Variants in TENM4 observed in about 807,000 individuals in gnomAD.
The protein encoded by TENM4 is teneurin transmembrane protein 4, also known as teneurin-4.
A neutral mutation model predicts 243.3 loss-of-function variants in TENM4; 82 were observed. The ratio of observed to expected loss-of-function variants is 0.34; its 90% confidence interval spans 0.28 to 0.40. The LOEUF (loss-of-function observed/expected upper bound fraction) is 0.40, where lower values mean the gene tolerates loss of function less well. TENM4 is among the 10% of genes least tolerant of loss of function. The probability of loss-of-function intolerance (pLI) is 1.00; values close to 1 mark genes in which losing one functional copy is unlikely to be tolerated. For synonymous variants in TENM4, 1,412 were observed against 1,456.3 expected (o/e 0.97, Z 0.69); for missense variants, 3,138 against 3,673.3 (o/e 0.85, Z 3.77).
At chr11:78,910,060 C>T (rs1156471384) in intron 6 of TENM4, among the ~76,000 whole-genome samples, 1 of 152,184 alleles carries the variant, frequency 6.6e-6, no homozygotes, top group African/African-American at 2.4e-5. Context: ...TATAAGATCA[C>T]ATTCATGAGA....
chr11:78,891,795 C>G (rs565017649), intron 7 of TENM4, among the ~76,000 whole-genome samples: 8 of 152,330 alleles, frequency 5.3e-5, no homozygotes, highest in Non-Finnish European at 1.2e-4. Context: ...CCTGTGCTCT[C>G]TCTCTCTACT....
rs1565352845 is a variant in TENM4, at chr11:78,729,703, G to C, written c.3139-60C>G. On this transcript the variant is annotated intron_variant, in intron 21 of 33. Transcript: ENST00000278550. ...TCGTCGACTCACCGAGTGGAGGGAA[G>C]ATGGCGTGGCCCCATGGACTCTGGG... 13 of 1,540,094 alleles carry C rather than the reference G, an allele frequency of 8.4e-6. No homozygotes were observed. In the East Asian group the frequency reaches 2.9e-4, roughly 35 times the overall value.
At chr11:79,345,417 GATTACTA>G (rs1857310070) in intron 1 of TENM4, among the ~76,000 whole-genome samples, 1 of 152,056 alleles carries the variant, frequency 6.6e-6, no homozygotes, top group Non-Finnish European at 1.5e-5. Context: ...CATGTTATTT[GATTACTA>G]ATAACAAAAA....
At chr11:78,979,532 G>A (rs1389925094) in intron 6 of TENM4, among the ~76,000 whole-genome samples, 3 of 152,190 alleles carry the variant, frequency 2.0e-5, no homozygotes, top group Admixed American at 6.5e-5. Context: ...CATGTGTGCT[G>A]TGCATGCACA....
intron 2 of TENM4, among the ~76,000 whole-genome samples, chr11:79,263,087 C>A (rs375036939): frequency 7.9e-5 from 12 of 152,214 alleles, no homozygotes; most frequent in African/African-American, 2.9e-4. Flanking sequence ...ACCTCATTAA[C>A]TCCCGTGTCT....
intron 1 of TENM4, among the ~76,000 whole-genome samples, chr11:79,346,172 T>C (rs574084165): frequency 6.6e-6 from 1 of 152,286 alleles, no homozygotes; most frequent in African/African-American, 2.4e-5. Context: ...AGAGAACATT[T>C]GACTCTCCTC....
rs139487851 is a variant in TENM4, at chr11:79,197,174, T to G, written c.-163+18634A>C. Reference sequence around the variant, plus strand: ...ATGTTCCCACTGACTCACCACAGGTTACTGAGAGCAGTTCGTCTTGCTGGA... The same window carrying G: ...ATGTTCCCACTGACTCACCACAGGTGACTGAGAGCAGTTCGTCTTGCTGGA... On this transcript the variant is annotated intron_variant, in intron 3 of 33. Coordinates refer to ENST00000278550, the MANE Select transcript of TENM4 (RefSeq NM_001098816.3). Among the ~76,000 whole-genome samples, 1,139 of 152,282 alleles carry G rather than the reference T, an allele frequency of 7.5e-3. 8 individuals are homozygous for G. The highest frequency in any genetic ancestry group is 0.023 in the African/African-American group (940 of 41,562).
At position 79,214,338 on chromosome 11, in the gene TENM4, C is replaced by T. The variant is rs145910766; in HGVS notation, c.-163+1470G>A. On this transcript the variant is annotated intron_variant, in intron 3 of 33. Transcript: ENST00000278550. ...ATGGAGCTCCTCAGAGAACCTATGT[C>T]TCTACTGCACAGCATTGATCTCAGT... Among the ~76,000 whole-genome samples, 379 of 152,308 alleles carry T rather than the reference C, an allele frequency of 2.5e-3. 5 individuals carry two copies. The highest frequency in any genetic ancestry group is 8.7e-3 in the African/African-American group (360 of 41,562).
intron 1 of TENM4, among the ~76,000 whole-genome samples, chr11:79,370,185 TC>T (rs1857754467): frequency 6.6e-6 from 1 of 152,244 alleles, no homozygotes; most frequent in African/African-American, 2.4e-5. Flanking sequence ...TGAGCCAGGC[TC>T]CTGCTCACAG....
At chr11:78,690,852 A>AT (rs1858801803) in intron 28 of TENM4, among the ~76,000 whole-genome samples, 3 of 152,152 alleles carry the variant, frequency 2.0e-5, no homozygotes, top group Non-Finnish European at 4.4e-5. Context: ...TGACTCTTTG[A>AT]ACACCTGTAA....
At chr11:78,720,241 T>C (rs1859613675) in intron 25 of TENM4, 129 bp downstream of exon 25, 1 of 1,090,778 alleles carries the variant, frequency 9.2e-7, no homozygotes, top group Non-Finnish European at 1.4e-6. Context: ...TGCAACTGAT[T>C]ACCCCAATCA....
intron 1 of TENM4, among the ~76,000 whole-genome samples, chr11:79,399,684 CA>C (rs377067376): frequency 2.0e-5 from 3 of 150,000 alleles, no homozygotes; most frequent in Admixed American, 6.6e-5. Flanking sequence ...ACATTCACAT[CA>C]AAAAAAAAGA....
chr11:79,044,933 T>A (rs1295199599), intron 6 of TENM4, among the ~76,000 whole-genome samples: 1 of 152,132 alleles, frequency 6.6e-6, no homozygotes, highest in African/African-American at 2.4e-5. Flanking sequence ...AGTATGTTTA[T>A]TATAGAAAAG....
chr11:79,350,922 C>G (rs143013259), intron 1 of TENM4, among the ~76,000 whole-genome samples: 54 of 152,274 alleles, frequency 3.5e-4, no homozygotes, highest in African/African-American at 1.2e-3. Flanking sequence ...TAAATCCTCA[C>G]ACTGGCCTCC....
intron 19 of TENM4, among the ~76,000 whole-genome samples, chr11:78,753,507 C>G (rs956420622): frequency 6.6e-6 from 1 of 152,178 alleles, no homozygotes; most frequent in South Asian, 2.1e-4. Context: ...TGGTCCAGAC[C>G]AAGATCATCG....
chr11:79,109,897 T>C (rs79962995), intron 4 of TENM4, among the ~76,000 whole-genome samples: 2,054 of 152,284 alleles, frequency 0.013, 45 homozygotes, highest in African/African-American at 0.046. Flanking sequence ...CACAGGGTTG[T>C]AGTAAGCATT....
intron 12 of TENM4, among the ~76,000 whole-genome samples, chr11:78,825,147 A>C (rs1188510877): frequency 1.3e-5 from 2 of 152,210 alleles, no homozygotes; most frequent in Non-Finnish European, 2.9e-5. Flanking sequence ...CTCGAGGAGC[A>C]CTGGGAAGGC....
Position 78,889,939 on chromosome 11 carries a change from C to T in TENM4, c.930G>A (p.Val310=). The change falls in exon 9 of 34, where the codon GTG becomes GTA. Residue 310 remains valine (V), a synonymous_variant. Transcript: ENST00000278550. ...SPGYPLTSST[V]YSPPPRPLPR... is the part of the protein sequence containing the mutation. Reference sequence around the variant, plus strand: ...GCAGGGGTCGGGGCGGAGGAGAGTACACTGTGCTGGACGTCAGTGGGTACC... The same window carrying T: ...GCAGGGGTCGGGGCGGAGGAGAGTATACTGTGCTGGACGTCAGTGGGTACC... The T allele has an allele frequency of 1.3e-6, 2 of 1,551,636 alleles. No individual in the cohort carries two copies. The highest frequency in any genetic ancestry group is 2.4e-5 in the South Asian group (2 of 84,046).
At chr11:79,145,439 A>G (rs896931011) in intron 4 of TENM4, among the ~76,000 whole-genome samples, 1 of 152,062 alleles carries the variant, frequency 6.6e-6, no homozygotes, top group Non-Finnish European at 1.5e-5. Flanking sequence ...ACTTCTGAAA[A>G]CACAGAGTAG....
Sources: gnomAD v4.1 joint callset for allele counts (sites outside exome capture counted in the v4.1 genomes callset) on GRCh38, gnomAD v4.1.1 for gene constraint, MANE v1.5 for transcripts, NCBI Gene and HGNC (gene_info 2026-07-23, HGNC 2026-07-21) for gene names.